ADGRG2: variants seen among roughly 807,000 people sequenced by gnomAD.
ADGRG2 encodes the protein adhesion G protein-coupled receptor G2.
ADGRG2 carries 26 observed loss-of-function variants against 74.1 expected under a neutral mutation model. The ratio of observed to expected loss-of-function variants is 0.35; its 90% CI spans 0.26 to 0.49. ADGRG2 has a LOEUF of 0.49. Among genes scored for constraint, ADGRG2 ranks in the 20% least tolerant of loss-of-function variants. The pLI, the probability that ADGRG2 is intolerant of heterozygous loss-of-function variation, is 0.99. For synonymous variants in ADGRG2, 296 were observed against 295.2 expected, an observed-to-expected ratio of 1.00 and a Z score of -0.03; for missense variants, 619 against 763.1, an observed-to-expected ratio of 0.81 and a Z score of 2.22.
intron 11 of ADGRG2, among the ~76,000 whole-genome samples, chrX:19,024,445 T>C (rs902418997): frequency 1.8e-5 from 2 of 111,710 alleles, no homozygotes; most frequent in African/African-American, 6.5e-5. Context: ...TCTCCTCCAA[T>C]CCCACTCCAA....
chrX:19,122,609 G>T (rs763704340), upstream of ADGRG2: 1 of 109,255 alleles, frequency 9.2e-6, no homozygotes, highest in African/African-American at 3.3e-5. Flanking sequence ...GTGGCGCGTC[G>T]GGCGCTCGGC....
At chrX:19,001,045 A>G (rs1479653802) in intron 24 of ADGRG2, among the ~76,000 whole-genome samples, 1 of 111,265 alleles carries the variant, frequency 9.0e-6, no homozygotes, top group Non-Finnish European at 1.9e-5. Flanking sequence ...TTGTGCCTTT[A>G]ACTTATACAT....
chrX:19,068,762 G>A lies in ADGRG2; in HGVS notation c.73C>T (p.Leu25Phe). 1.7e-6 allele frequency: 2 copies of A among 1,155,433 alleles called. No individual in the cohort carries two copies. The highest frequency in any genetic ancestry group is 1.8e-5 in the African/African-American group (1 of 56,554). Residue 25 changes from leucine to phenylalanine, a missense_variant, in exon 3 of 29, where the codon CTT (leucine) becomes TTT (phenylalanine). Leu to Phe is a conservative substitution (Grantham distance 22, BLOSUM62 0). Coordinates refer to ENST00000379869, the MANE Select transcript of ADGRG2 (RefSeq NM_001079858.3). ...ACGACATGAAGACAAATGATGACAA[G>A]GAATATCTTGAACGTCAGTAAAACT... The part of the protein sequence containing the change: ...EEVLLTFKIF[L>F]VIICLHVVLV...
intron 1 of ADGRG2, among the ~76,000 whole-genome samples, chrX:19,105,927 C>CAAAAAAAAA (rs748026875): frequency 6.7e-5 from 2 of 29,979 alleles, no homozygotes; most frequent in Non-Finnish European, 1.2e-4. Context: ...GACTCTGTCT[C>CAAAAAAAAA]AAAAAAAAAA....
At chrX:19,114,089 A>AAG (rs2062466496) in intron 1 of ADGRG2, among the ~76,000 whole-genome samples, 1 of 105,017 alleles carries the variant, frequency 9.5e-6, no homozygotes, top group African/African-American at 3.5e-5. Context: ...AAAAAAAAAA[A>AAG]GTAAAAAAAA....
intron 23 of ADGRG2, 79 bp downstream of exon 23, chrX:19,004,679 A>G: frequency 9.8e-7 from 1 of 1,018,808 alleles, no homozygotes; most frequent in Non-Finnish European, 1.4e-6. Context: ...CAGGCCGAGG[A>G]AAGGGCTTAG....
intron 3 of ADGRG2, among the ~76,000 whole-genome samples, chrX:19,065,991 C>T (rs769250745): frequency 8.9e-6 from 1 of 112,054 alleles, no homozygotes; most frequent in Non-Finnish European, 1.9e-5. Context: ...GGATTATAGG[C>T]GTGCACCACC....
chrX:19,114,035 G>A (rs1341926112), intron 1 of ADGRG2, among the ~76,000 whole-genome samples: 1 of 97,441 alleles, frequency 1.0e-5, no homozygotes, highest in Admixed American at 1.2e-4. Flanking sequence ...TTGCACCACT[G>A]CACTCCAGCC....
At chrX:19,095,727 C>T (rs952603050) in intron 1 of ADGRG2, among the ~76,000 whole-genome samples, 4 of 111,530 alleles carry the variant, frequency 3.6e-5, no homozygotes, top group African/African-American at 6.5e-5. Flanking sequence ...AAAACAGTGC[C>T]GGGGAGCCAG....
rs142856359 is a variant in ADGRG2 at position 19,118,146 on chromosome X, A to G, written c.-47+4296T>C. ...TACAGGGAAGCCTAGCCACTAAAGC[A>G]AGAAAATAAAATGAGGTAAAAATAT... On this transcript the variant is annotated intron_variant, in intron 1 of 28. Coordinates refer to ENST00000379869, the MANE Select transcript of ADGRG2 (RefSeq NM_001079858.3). Among the ~76,000 whole-genome samples, 547 of 111,789 alleles carry G rather than the reference A, an allele frequency of 4.9e-3. 4 individuals carry two copies. The highest frequency in any genetic ancestry group is 0.017 in the African/African-American group (513 of 30,844).
chrX:19,085,237 A>T (rs1316775450), intron 1 of ADGRG2, among the ~76,000 whole-genome samples: 3 of 112,294 alleles, frequency 2.7e-5, no homozygotes, highest in Admixed American at 9.5e-5. Context: ...ACATACAGAG[A>T]CTGTCAATGC....
intron 1 of ADGRG2, among the ~76,000 whole-genome samples, chrX:19,104,547 A>T (rs755498002): frequency 1.8e-5 from 2 of 111,651 alleles, no homozygotes; most frequent in Non-Finnish European, 3.8e-5. Flanking sequence ...CTTTTTTTAT[A>T]ATAGGATTTT....
chrX:19,013,589 C>A (rs1444556364), intron 16 of ADGRG2, 97 bp downstream of exon 16: 2 of 766,248 alleles, frequency 2.6e-6, no homozygotes, highest in East Asian at 6.7e-5. Flanking sequence ...AAGGAAAGCT[C>A]TAGAAATCAA....
intron 7 of ADGRG2, chrX:19,033,939 C>T: frequency 5.4e-6 from 1 of 186,891 alleles, no homozygotes; most frequent in African/African-American, 3.0e-5. Flanking sequence ...TTTCCACACA[C>T]TGCTGCTAGA....
In ADGRG2 at chrX:18,999,920, G is replaced by C. The variant is rs748301650; in HGVS notation, c.2271C>G (p.Ser757=). The change falls in exon 25 of 29, where the codon TCC becomes TCG. Residue 757 remains serine, a synonymous_variant. Transcript: ENST00000379869. ...AGGATCCAAGCCCATAGTTATCTGG[G>C]GATATAGTCAGGATGATGGTCACAA... ...AVVVTIILTI[S]PDNYGLGSYG... 8.4e-7 allele frequency: 1 copy of C among 1,195,990 alleles called. No homozygotes were observed. Among genetic ancestry groups the C allele is most frequent in the Non-Finnish European group, 1.1e-6 (1 of 881,613 alleles).
intron 3 of ADGRG2, among the ~76,000 whole-genome samples, chrX:19,054,132 A>G (rs1428724143): frequency 1.8e-5 from 2 of 111,768 alleles, no homozygotes; most frequent in African/African-American, 6.5e-5. Flanking sequence ...TCTAAAAATG[A>G]TTTCTCCCTT....
intron 14 of ADGRG2, 80 bp downstream of exon 14, chrX:19,021,024 T>G (rs936102611): frequency 1.7e-5 from 10 of 588,429 alleles, no homozygotes; most frequent in Non-Finnish European, 2.6e-5. Flanking sequence ...ATATGTAAAT[T>G]TATTAATTAC....
At chrX:19,075,617 C>CAAAA (rs61690480) in intron 2 of ADGRG2, among the ~76,000 whole-genome samples, 100 of 38,287 alleles carry the variant, frequency 2.6e-3, no homozygotes, top group Non-Finnish European at 3.6e-3. Flanking sequence ...GACTTCGCCT[C>CAAAA]AAAAAAAAAA....
chrX:19,116,250 C>T (rs1213999414), intron 1 of ADGRG2, among the ~76,000 whole-genome samples: 2 of 109,576 alleles, frequency 1.8e-5, no homozygotes, highest in Non-Finnish European at 3.8e-5. Flanking sequence ...GTGGCTCATG[C>T]CTGTAATCCC....
Sources: gnomAD v4.1 joint callset for allele counts (sites outside exome capture counted in the v4.1 genomes callset) on GRCh38, gnomAD v4.1.1 for gene constraint, MANE v1.5 for transcripts, NCBI Gene and HGNC (gene_info 2026-07-23, HGNC 2026-07-21) for gene names.